Variants in CNBD1 observed in about 807,000 individuals in gnomAD.
CNBD1 encodes cyclic nucleotide binding domain containing 1, also known as cyclic nucleotide-binding domain-containing protein 1.
In CNBD1, 71 loss-of-function variants were observed where a neutral mutation model predicts 54.4. That is an observed-to-expected ratio of 1.30 (90% confidence interval 1.08 to 1.59). CNBD1 has a LOEUF of 1.59. Among genes scored for constraint, CNBD1 ranks in the 40% most tolerant of loss-of-function variants. The probability of loss-of-function intolerance (pLI) is 0.00; values close to 1 mark genes in which losing one functional copy is unlikely to be tolerated. For synonymous variants in CNBD1, 182 were observed against 170.7 expected (o/e 1.07, Z -0.51); for missense variants, 659 against 518.0 (o/e 1.27, Z -2.64).
intron 1 of CNBD1, among the ~76,000 whole-genome samples, chr8:86,867,376 T>C (rs1240656078): frequency 1.3e-5 from 2 of 152,194 alleles, no homozygotes; most frequent in African/African-American, 2.4e-5. Flanking sequence ...TTATTATTCA[T>C]TGGGCAGATT....
At chr8:87,127,905 G>A (rs868789250) in intron 4 of CNBD1, among the ~76,000 whole-genome samples, 17 of 152,054 alleles carry the variant, frequency 1.1e-4, no homozygotes, top group Admixed American at 8.5e-4. Context: ...ATGTCCCAAA[G>A]TTGCCTTTTG....
intron 3 of CNBD1, among the ~76,000 whole-genome samples, chr8:86,907,486 G>C (rs1025058432): frequency 2.0e-5 from 3 of 151,972 alleles, no homozygotes; most frequent in Non-Finnish European, 4.4e-5. Context: ...TGGCCAACAT[G>C]GTGAAACCCT....
intron 10 of CNBD1, among the ~76,000 whole-genome samples, chr8:87,371,310 A>C (rs1049750087): frequency 1.4e-4 from 21 of 151,978 alleles, no homozygotes; most frequent in Non-Finnish European, 2.8e-4. Flanking sequence ...TCTATAAATT[A>C]CCTTGGGCAG....
intron 3 of CNBD1, among the ~76,000 whole-genome samples, chr8:86,925,368 G>GT (rs1809340450): frequency 6.6e-6 from 1 of 152,028 alleles, no homozygotes; most frequent in African/African-American, 2.4e-5. Flanking sequence ...GCTCACTTCA[G>GT]TTTTTATTTT....
chr8:87,002,664 C>T (rs1408354106), intron 4 of CNBD1, among the ~76,000 whole-genome samples: 1 of 151,896 alleles, frequency 6.6e-6, no homozygotes, highest in Admixed American at 6.6e-5. Flanking sequence ...TCAGTAAGGC[C>T]TATTCTTGTC....
chr8:86,925,477 C>A (rs930844806), intron 3 of CNBD1, among the ~76,000 whole-genome samples: 9 of 133,748 alleles, frequency 6.7e-5, no homozygotes, highest in African/African-American at 2.7e-4. Flanking sequence ...ACGGGCTTAC[C>A]AAAAAGTGTG....
At chr8:87,078,739 G>A (rs1313598956) in intron 4 of CNBD1, among the ~76,000 whole-genome samples, 3 of 152,116 alleles carry the variant, frequency 2.0e-5, no homozygotes, top group Non-Finnish European at 2.9e-5. Context: ...ATTAAAAAGA[G>A]CTGTAACTTT....
At chr8:87,087,675 C>G (rs1811130519) in intron 4 of CNBD1, among the ~76,000 whole-genome samples, 1 of 151,908 alleles carries the variant, frequency 6.6e-6, no homozygotes, top group Non-Finnish European at 1.5e-5. Context: ...ACCGTGTTAT[C>G]CAGGATGGTC....
chr8:87,413,072 T>C (rs1048549788), intron 2 of CNBD1, among the ~76,000 whole-genome samples: 1 of 151,846 alleles, frequency 6.6e-6, no homozygotes, highest in Admixed American at 6.6e-5. Flanking sequence ...ATTTAGGGGC[T>C]CACAAGGGGC....
downstream of CNBD1, among the ~76,000 whole-genome samples, chr8:87,383,048 A>C (rs1267185232): frequency 2.0e-5 from 3 of 152,064 alleles, no homozygotes; most frequent in Non-Finnish European, 4.4e-5. Context: ...GGATTAAAAA[A>C]AATCTATAAA....
chr8:87,246,079 A>C (rs1807797864), intron 6 of CNBD1, among the ~76,000 whole-genome samples: 1 of 152,006 alleles, frequency 6.6e-6, no homozygotes, highest in Admixed American at 6.6e-5. Flanking sequence ...GATTGTTTTC[A>C]GTTTTGGTGT....
intron 4 of CNBD1, among the ~76,000 whole-genome samples, chr8:86,965,238 A>G: frequency 6.6e-6 from 1 of 152,200 alleles, no homozygotes; most frequent in East Asian, 1.9e-4. Context: ...AGAAAGAAAC[A>G]ATAATAGGAA....
At chr8:87,325,232 C>T (rs2130904009) in intron 8 of CNBD1, among the ~76,000 whole-genome samples, 1 of 94,764 alleles carries the variant, frequency 1.1e-5, no homozygotes, top group Non-Finnish European at 2.1e-5. Context: ...AGTATGTGGT[C>T]AATTTTGGAA....
intron 4 of CNBD1, among the ~76,000 whole-genome samples, chr8:86,950,822 T>C (rs563914808): frequency 4.1e-4 from 63 of 152,346 alleles, no homozygotes; most frequent in African/African-American, 1.4e-3. Context: ...TTTTTACTTA[T>C]TATTGATCTG....
At chr8:87,260,913 T>G (rs1404095125) in intron 6 of CNBD1, among the ~76,000 whole-genome samples, 1 of 152,106 alleles carries the variant, frequency 6.6e-6, no homozygotes, top group Non-Finnish European at 1.5e-5. Context: ...ATATTGGCTT[T>G]ACTCTCAGGT....
chr8:87,293,040 G>C (rs1025107294), intron 8 of CNBD1, among the ~76,000 whole-genome samples: 2 of 152,272 alleles, frequency 1.3e-5, no homozygotes, highest in Admixed American at 1.3e-4. Flanking sequence ...TCTGCTGTCT[G>C]TACCTAGGAA....
At chr8:86,989,885 G>T (rs903493742) in intron 4 of CNBD1, among the ~76,000 whole-genome samples, 5 of 152,110 alleles carry the variant, frequency 3.3e-5, no homozygotes, top group Non-Finnish European at 5.9e-5. Flanking sequence ...TTGAATAAAA[G>T]CCATTTTAAC....
At chr8:87,112,962 G>C (rs1307976492) in intron 4 of CNBD1, among the ~76,000 whole-genome samples, 2 of 152,174 alleles carry the variant, frequency 1.3e-5, no homozygotes, top group East Asian at 3.8e-4. Flanking sequence ...AGATCAGGAT[G>C]GGGGAAGAAG....
At chr8:87,247,765 A>G (rs555303873) in intron 6 of CNBD1, among the ~76,000 whole-genome samples, 3 of 152,322 alleles carry the variant, frequency 2.0e-5, no homozygotes, top group Non-Finnish European at 4.4e-5. Context: ...AGTTACGTGA[A>G]CAGATGTGAG....
Sources: allele counts gnomAD v4.1 joint callset (sites outside exome capture counted in the v4.1 genomes callset), GRCh38; gene constraint gnomAD v4.1.1; transcripts MANE v1.5; gene names NCBI Gene and HGNC (gene_info 2026-07-23, HGNC 2026-07-21).